Variants in DALRD3 observed in about 807,000 individuals in gnomAD.
DALRD3 encodes DALR anticodon binding domain containing 3, also known as DALR anticodon-binding domain-containing protein 3.
Under a neutral mutation model 56.7 loss-of-function variants are expected in DALRD3, and 47 were observed. The observed-to-expected ratio is 0.83, with a 90% CI of 0.66 to 1.06. The LOEUF (loss-of-function observed/expected upper bound fraction) is 1.06. Ranked by LOEUF, DALRD3 falls within the 50% of genes least tolerant of loss-of-function variation. The pLI, the probability that DALRD3 is intolerant of heterozygous loss-of-function variation, is 0.00. For synonymous variants in DALRD3, 347 were observed against 308.5 expected, an observed-to-expected ratio of 1.12 and a Z score of -1.31; for missense variants, 787 against 724.0, an observed-to-expected ratio of 1.09 and a Z score of -1.00.
At chr3:49,020,721 C>G, upstream of DALRD3, 1 of 477,610 alleles carries the variant, frequency 2.1e-6, no homozygotes, top group Non-Finnish European at 4.3e-6. Flanking sequence ...TGGCGGGGGG[C>G]GGGGGAGCTC....
rs766222473 is a variant in DALRD3 at position 49,016,046 on chromosome 3, G to A, written c.1370C>T (p.Pro457Leu). Residue 457 changes from proline (P) to leucine (L), a missense_variant, in exon 10 of 12, where the codon CCG (proline) becomes CTG (leucine). Coordinates refer to ENST00000341949, the MANE Select transcript of DALRD3 (RefSeq NM_001009996.3). ...CACTGCTGTCCGGCTCAGCAGATCC[G>A]GAAAGGGGAGGATACTGTTGAAGAG... is the stretch of plus-strand genomic sequence containing the variant. ...LLLFNSILPF[P>L]DLLSRTAVLD... The A allele has an allele frequency of 1.1e-5, 18 of 1,599,878 alleles. No homozygotes were observed. The Admixed American group carries it at 1.5e-4, about 13-fold the overall frequency.
chr3:49,016,275 C>T lies in DALRD3; in HGVS notation c.1212G>A (p.Met404Ile), dbSNP rs771160825. 3 of 1,613,962 alleles carry T rather than the reference C, an allele frequency of 1.9e-6. No homozygotes were observed. Among genetic ancestry groups the T allele is most frequent in the Non-Finnish European group, 1.7e-6 (2 of 1,179,892 alleles). Residue 404 changes from methionine (M) to isoleucine (I), a missense_variant, in exon 9 of 12, where the codon ATG (methionine) becomes ATA (isoleucine). Met to Ile is a conservative substitution (Grantham distance 10). Transcript: ENST00000341949. ...TKGTKSGTFV[M>I]YNCARLATLF... ...GTGTGGCAAGACGGGCACAATTATA[C>T]ATGACAAAGGTGCCACTCTTTGTGC...
chr3:49,015,739 T>G, intron 11 of DALRD3, 32 bp from the exon 12 acceptor site: 2 of 1,614,130 alleles, frequency 1.2e-6, no homozygotes, highest in Non-Finnish European at 1.7e-6. Flanking sequence ...GGTCTCATCC[T>G]CTGCTTCCTT....
upstream of DALRD3, chr3:49,018,727 C>T (rs2093124993): frequency 6.1e-6 from 6 of 985,340 alleles, no homozygotes; most frequent in South Asian, 2.3e-4. Context: ...CCCCCAGCGC[C>T]CCTTCCGCGT....
chr3:49,017,631 T>A lies in DALRD3; in HGVS notation c.700A>T (p.Asn234Tyr). The A allele has an allele frequency of 6.2e-7, 1 of 1,614,186 alleles. No homozygotes were observed. The change falls in exon 3 of 12, where the codon AAC becomes TAC. Residue 234 changes from asparagine (N) to tyrosine (Y), a missense_variant. Coordinates refer to ENST00000341949, the MANE Select transcript of DALRD3 (RefSeq NM_001009996.3). ...GTCCTACCCAGACAGTTGTCCAGGT[T>A]GGGGTCATAGCCAGCTGTGCGGCCC... ...EQGRTAGYDPNLDNCLVTEDL... is the reference protein window; with the variant it reads ...EQGRTAGYDPYLDNCLVTEDL...
At chr3:49,017,922 G>T in intron 2 of DALRD3, 53 bp from the exon 3 acceptor site, 2 of 1,551,660 alleles carry the variant, frequency 1.3e-6, no homozygotes, top group South Asian at 2.3e-5. Flanking sequence ...AGCTCGCCAC[G>T]ACTTCCCACC....
rs755148652 is a variant in DALRD3, at chr3:49,018,039, C to A, written c.445G>T (p.Ala149Ser). Residue 149 changes from alanine to serine, a missense_variant, in exon 2 of 12, where the codon GCC (alanine) becomes TCC (serine). By Grantham distance (99) the Ala-to-Ser change is moderately conservative. Coordinates refer to ENST00000341949, the MANE Select transcript of DALRD3 (RefSeq NM_001009996.3). ...CCCGCTCACCCGTGAGCGCGCAGGGCTCGCGCCAGGTGATCGGCCACGAGC... is the reference window on the plus strand; with the variant it reads ...CCCGCTCACCCGTGAGCGCGCAGGGATCGCGCCAGGTGATCGGCCACGAGC... ...TVLVADHLARALRAHGVCVRL... is the reference protein window; with the variant it reads ...TVLVADHLARSLRAHGVCVRL... 30 of 1,487,528 alleles carry A rather than the reference C, an allele frequency of 2.0e-5. No individual in the cohort carries two copies. In the Admixed American group the frequency reaches 6.5e-4, roughly 32 times the overall value. 92.1% of individuals were successfully genotyped at this position (1,487,528 alleles called of 1,614,324 possible). A position where few individuals can be genotyped will look rare whatever the true frequency, so the allele number is the denominator to read the frequency against.
chr3:49,015,928 G>T, intron 10 of DALRD3, 45 bp downstream of exon 10: 1 of 1,614,168 alleles, frequency 6.2e-7, no homozygotes, highest in Non-Finnish European at 8.5e-7. Flanking sequence ...CCCCAGGCCA[G>T]AATAAAGAAT....
chr3:49,016,738 C>G (rs1318198013), intron 6 of DALRD3, 36 bp downstream of exon 6: 2 of 1,614,124 alleles, frequency 1.2e-6, no homozygotes, highest in Admixed American at 3.3e-5. Flanking sequence ...CCTCATTACC[C>G]TGGCTTAGGT....
Position 49,018,013 on chromosome 3 carries a change from C to T in DALRD3, c.461+10G>A, listed in dbSNP as rs765790596. On this transcript the variant is annotated intron_variant, in intron 2 of 11. Coordinates refer to ENST00000341949, the MANE Select transcript of DALRD3 (RefSeq NM_001009996.3). ...CACTTTCTCCATTCCGGCCCCGCGG[C>T]CCCGCTCACCCGTGAGCGCGCAGGG... 1.4e-6 allele frequency: 2 copies of T among 1,479,214 alleles called. No individual in the cohort carries two copies. Among genetic ancestry groups the T allele is most frequent in the Non-Finnish European group, 1.8e-6 (2 of 1,123,088 alleles). The allele number at this position is 1,479,214 out of a possible 1,614,324, so 91.6% of individuals were successfully genotyped here.
chr3:49,017,777 C>T lies in DALRD3; in HGVS notation c.554G>A (p.Arg185Lys). The change falls in exon 3 of 12, where the codon AGA becomes AAA. Residue 185 changes from arginine (R) to lysine (K), a missense_variant. Physicochemically the swap from Arg to Lys is conservative, Grantham distance 26 (BLOSUM62 2). Coordinates refer to ENST00000341949, the MANE Select transcript of DALRD3 (RefSeq NM_001009996.3). ...GCTCCTCAGGGTGTGGGAGGAAGCT[C>T]TCTCCGAGGCAGCGGGCCAGTCCAC... is the stretch of plus-strand genomic sequence containing the variant. ...LRVDWPAASE[R>K]ASSHTLRSHA... 1.2e-6 allele frequency: 2 copies of T among 1,613,740 alleles called. No individual in the cohort carries two copies. The highest frequency in any genetic ancestry group is 8.5e-7 in the Non-Finnish European group (1 of 1,180,032).
At chr3:49,020,281 G>A (rs375233645), upstream of DALRD3, 1,087 of 524,226 alleles carry the variant, frequency 2.1e-3, 22 homozygotes, top group South Asian at 0.015. Flanking sequence ...GCAGGGTTGG[G>A]AACCCTCAGT....
chr3:49,016,770 T>C lies in DALRD3; in HGVS notation c.1001+4A>G. 6.2e-7 allele frequency: 1 copy of C among 1,614,138 alleles called. No individual in the cohort carries two copies. The highest frequency in any genetic ancestry group is 8.5e-7 in the Non-Finnish European group (1 of 1,180,004). On this transcript the variant is annotated splice_donor_region_variant and intron_variant, in intron 6 of 11. Coordinates refer to ENST00000341949, the MANE Select transcript of DALRD3 (RefSeq NM_001009996.3). Reference sequence around the variant, plus strand: ...AGGTTGGTGTTCCTCCCAGCCTCACTCACTCGTAGTACTCAGGGGCAGTCA... The same window carrying C: ...AGGTTGGTGTTCCTCCCAGCCTCACCCACTCGTAGTACTCAGGGGCAGTCA...
chr3:49,015,762 A>C, intron 11 of DALRD3, 42 bp downstream of exon 11: 1 of 1,614,018 alleles, frequency 6.2e-7, no homozygotes, highest in Non-Finnish European at 8.5e-7. Context: ...CCTTTACCCT[A>C]TACCTCTCTG....
Position 49,015,866 on chromosome 3 carries a change from T to C in DALRD3, c.1450A>G (p.Lys484Glu), listed in dbSNP as rs775720727. The C allele has an allele frequency of 8.1e-6, 13 of 1,614,060 alleles. No homozygotes were observed. Among genetic ancestry groups the C allele is most frequent in the Non-Finnish European group, 1.1e-5 (13 of 1,180,046 alleles). ...HIAVRTEMIC[K>E]FLVQLSMDFS... ...TCCATGCTGAGCTGTACCAGGAACT[T>C]GCATATCTAGAGACAGAGACTGAGT... Residue 484 changes from lysine to glutamate, a missense_variant, in exon 11 of 12, where the codon AAG becomes GAG. Lys to Glu is a moderately conservative substitution (Grantham distance 56). Coordinates refer to ENST00000341949, the MANE Select transcript of DALRD3 (RefSeq NM_001009996.3).
In DALRD3 at chr3:49,016,341, C is replaced by T. The variant is rs372111155; in HGVS notation, c.1147-1G>A. The T allele has an allele frequency of 1.9e-6, 3 of 1,606,340 alleles. No individual in the cohort carries two copies. Among genetic ancestry groups the T allele is most frequent in the Non-Finnish European group, 2.6e-6 (3 of 1,174,190 alleles). On this transcript the variant is annotated splice_acceptor_variant, in intron 8 of 11. Coordinates refer to ENST00000341949, the MANE Select transcript of DALRD3 (RefSeq NM_001009996.3). LOFTEE classifies it high-confidence loss of function. ...TGCTGTCAGCCAGAGCCAGGAAGAG[C>T]TGGGGAATAGAAGCACAGCTGCAGA...
Position 49,016,448 on chromosome 3 carries a change from C to T in DALRD3, c.1127G>A (p.Ser376Asn). Residue 376 changes from serine (S) to asparagine (N), a missense_variant, in exon 8 of 12, where the codon AGC becomes AAC. Ser to Asn is a conservative substitution (Grantham distance 46). Transcript: ENST00000341949. ...GCTCACCTGACTCTGTGGGGCTGTGCTCAGCATCTCAAACTTGATGGTGGC... is the reference window on the plus strand; with the variant it reads ...GCTCACCTGACTCTGTGGGGCTGTGTTCAGCATCTCAAACTTGATGGTGGC... ...SVATIKFEML[S>N]TAPQSQLFLA... is the part of the protein sequence containing the mutation. The T allele has an allele frequency of 1.2e-6, 2 of 1,613,916 alleles. No homozygotes were observed. The highest frequency in any genetic ancestry group is 1.7e-6 in the Non-Finnish European group (2 of 1,179,948).
chr3:49,018,743 A>C, upstream of DALRD3: 7 of 985,404 alleles, frequency 7.1e-6, no homozygotes, highest in Non-Finnish European at 6.0e-6. Context: ...CGCGTGGTCC[A>C]CCTGCACAGC....
chr3:49,020,498 C>T (rs71324931), upstream of DALRD3: 2 of 394,532 alleles, frequency 5.1e-6, no homozygotes, highest in Admixed American at 3.1e-5. Flanking sequence ...CCTCGGCTCT[C>T]CCACGTCTAC....
Sources: allele counts gnomAD v4.1 joint callset, GRCh38; gene constraint gnomAD v4.1.1; transcripts MANE v1.5; gene names NCBI Gene and HGNC (gene_info 2026-07-23, HGNC 2026-07-21).